ANKFN1: variants seen among roughly 807,000 people sequenced by gnomAD.
The protein encoded by ANKFN1 is ankyrin repeat and fibronectin type-III domain-containing protein 1.
ANKFN1 carries 74 observed loss-of-function variants against 108.7 expected under a neutral mutation model. The observed-to-expected ratio is 0.68, with a 90% CI of 0.56 to 0.83. The LOEUF is 0.83. Ranked by LOEUF, ANKFN1 falls within the 40% of genes least tolerant of loss-of-function variation. The pLI is 0.00. For missense variants in ANKFN1, 1,505 were observed against 1,382.3 expected (o/e 1.09, Z -1.41); for synonymous variants, 547 against 516.2 (o/e 1.06, Z -0.81).
intron 14 of ANKFN1, among the ~76,000 whole-genome samples, chr17:56,464,059 C>G (rs939295110): frequency 6.6e-6 from 1 of 152,154 alleles, no homozygotes; most frequent in Non-Finnish European, 1.5e-5. Flanking sequence ...TCTATTTTTG[C>G]TTTAGGCCCT....
intron 3 of ANKFN1, among the ~76,000 whole-genome samples, chr17:56,250,755 T>C (rs2043215895): frequency 6.6e-6 from 1 of 152,250 alleles, no homozygotes; most frequent in African/African-American, 2.4e-5. Context: ...TTTTTTAAAA[T>C]GGTATAACTA....
intron 1 of ANKFN1, among the ~76,000 whole-genome samples, chr17:56,201,841 A>G (rs187308352): frequency 1.3e-5 from 2 of 152,330 alleles, no homozygotes; most frequent in Admixed American, 6.5e-5. Flanking sequence ...CTGAAAAACT[A>G]AATAGGAGAC....
At chr17:56,291,727 G>A (rs546940648) in intron 3 of ANKFN1, among the ~76,000 whole-genome samples, 1 of 152,120 alleles carries the variant, frequency 6.6e-6, no homozygotes, top group Non-Finnish European at 1.5e-5. Context: ...AAATTCTTCA[G>A]GGGTCCTTCT....
chr17:56,392,903 T>C (rs2047480277), intron 8 of ANKFN1, among the ~76,000 whole-genome samples: 1 of 152,194 alleles, frequency 6.6e-6, no homozygotes, highest in Non-Finnish European at 1.5e-5. Flanking sequence ...TCTTGTCATA[T>C]GCAAAAGCTC....
chr17:56,318,354 A>G (rs2045268213), intron 3 of ANKFN1, among the ~76,000 whole-genome samples: 1 of 152,160 alleles, frequency 6.6e-6, no homozygotes, highest in Admixed American at 6.5e-5. Flanking sequence ...CCAACACCAA[A>G]GCTGCCCTTT....
At chr17:56,365,264 C>T (rs1191925731) in intron 6 of ANKFN1, among the ~76,000 whole-genome samples, 2 of 151,988 alleles carry the variant, frequency 1.3e-5, no homozygotes, top group Non-Finnish European at 2.9e-5. Flanking sequence ...TATTTCTGAA[C>T]AGTAGCTAGG....
chr17:56,170,785 TATATATATATATATATATATATAC>T (rs1910596985), intron 1 of ANKFN1, among the ~76,000 whole-genome samples: 1 of 78,088 alleles, frequency 1.3e-5, no homozygotes, highest in Non-Finnish European at 2.5e-5. Flanking sequence ...TATATATATA[TATATATATATATATATATATATAC>T]ACACACACAC....
rs1438545209 is a variant in ANKFN1, at chr17:56,511,414, C to G, written c.*145C>G. 7 of 975,472 alleles carry G rather than the reference C, an allele frequency of 7.2e-6. No individual in the cohort carries two copies. The highest frequency in any genetic ancestry group is 1.6e-5 in the African/African-American group (1 of 60,768). 60.4% of individuals were successfully genotyped at this position (975,472 alleles called of 1,614,324 possible). On this transcript the variant is annotated 3_prime_UTR_variant, in exon 21 of 21. Coordinates refer to ENST00000682825, the MANE Select transcript of ANKFN1 (RefSeq NM_001370326.1). ...ACAAAGGTTACAAGTTCAAGGTCCTCTTTTTTTGGAACAGAGTGGTGGGTG... is the reference window on the plus strand; with the variant it reads ...ACAAAGGTTACAAGTTCAAGGTCCTGTTTTTTTGGAACAGAGTGGTGGGTG...
intron 14 of ANKFN1, among the ~76,000 whole-genome samples, chr17:56,464,105 C>G (rs1490732608): frequency 2.0e-5 from 3 of 152,184 alleles, no homozygotes; most frequent in Non-Finnish European, 2.9e-5. Context: ...GAAGATGGTT[C>G]CAATTTATTT....
chr17:56,341,101 G>T (rs1228173562), intron 4 of ANKFN1, among the ~76,000 whole-genome samples: 2 of 151,996 alleles, frequency 1.3e-5, no homozygotes, highest in East Asian at 3.9e-4. Flanking sequence ...TTGGCTGTTG[G>T]CTTGACTGTT....
intron 8 of ANKFN1, among the ~76,000 whole-genome samples, chr17:56,377,948 G>A (rs890102078): frequency 3.9e-5 from 6 of 152,094 alleles, no homozygotes; most frequent in African/African-American, 1.2e-4. Context: ...TGCAGTACCC[G>A]GGTTCTGGGT....
chr17:56,375,407 T>C (rs148619676), intron 8 of ANKFN1, among the ~76,000 whole-genome samples: 4 of 152,134 alleles, frequency 2.6e-5, no homozygotes, highest in East Asian at 3.9e-4. Context: ...CGAAAAAGCA[T>C]AGGGTCGTGA....
chr17:56,188,090 T>C (rs1322402640), intron 1 of ANKFN1, among the ~76,000 whole-genome samples: 2 of 144,820 alleles, frequency 1.4e-5, no homozygotes, highest in Non-Finnish European at 2.9e-5. Context: ...GAATCAAAAA[T>C]AAATAAATAA....
intron 20 of ANKFN1, among the ~76,000 whole-genome samples, chr17:56,508,837 TTTC>T (rs1260925675): frequency 6.6e-6 from 1 of 152,230 alleles, no homozygotes; most frequent in Non-Finnish European, 1.5e-5. Context: ...ACAGATATAA[TTTC>T]TTATTAATTT....
intron 3 of ANKFN1, among the ~76,000 whole-genome samples, chr17:56,287,444 A>G (rs924869459): frequency 5.3e-5 from 8 of 152,228 alleles, no homozygotes; most frequent in African/African-American, 1.9e-4. Context: ...CCATTAGATT[A>G]AATGATATTC....
chr17:56,073,830 C>G (rs1162458352), intron 4 of ANKFN1, among the ~76,000 whole-genome samples: 1 of 152,180 alleles, frequency 6.6e-6, no homozygotes, highest in African/African-American at 2.4e-5. Flanking sequence ...ACTTCCAGCA[C>G]GTATCAGTAG....
chr17:56,315,203 T>C (rs140492653), intron 3 of ANKFN1, among the ~76,000 whole-genome samples: 57 of 152,348 alleles, frequency 3.7e-4, no homozygotes, highest in African/African-American at 1.4e-3. Context: ...CTCACTAATA[T>C]AGCTGGAGGA....
chr17:56,075,436 G>A (rs780982604), intron 4 of ANKFN1, among the ~76,000 whole-genome samples: 5 of 152,054 alleles, frequency 3.3e-5, no homozygotes, highest in Non-Finnish European at 7.4e-5. Flanking sequence ...TCTGTTCTCA[G>A]CATCTCCTCA....
At chr17:56,193,061 G>A (rs200734881) in intron 1 of ANKFN1, among the ~76,000 whole-genome samples, 32,749 of 61,260 alleles carry the variant, frequency 0.53, 9,270 homozygotes, top group East Asian at 0.84. Flanking sequence ...ACCATGGAAT[G>A]CTATGCAGCC....
Sources: allele counts gnomAD v4.1 joint callset (sites outside exome capture counted in the v4.1 genomes callset), GRCh38; gene constraint gnomAD v4.1.1; transcripts MANE v1.5; gene names NCBI Gene and HGNC (gene_info 2026-07-23, HGNC 2026-07-21).